PAN3: variants seen among roughly 807,000 people sequenced by gnomAD.
PAN3 encodes poly(A) specific ribonuclease subunit PAN3.
Under a neutral mutation model 96.2 loss-of-function variants are expected in PAN3, and 19 were observed. The observed-to-expected ratio is 0.20, with a 90% CI of 0.14 to 0.29. PAN3 has a LOEUF of 0.29. Among genes scored for constraint, PAN3 ranks in the 10% least tolerant of loss-of-function variants. The pLI, the probability that PAN3 is intolerant of heterozygous loss-of-function variation, is 1.00. For missense variants in PAN3, 882 were observed against 1,108.1 expected, an observed-to-expected ratio of 0.80 and a Z score of 2.90; for synonymous variants, 433 against 406.6, an observed-to-expected ratio of 1.06 and a Z score of -0.78.
intron 1 of PAN3, among the ~76,000 whole-genome samples, chr13:28,171,563 A>G (rs1245674549): frequency 6.6e-5 from 10 of 152,204 alleles, no homozygotes; most frequent in Admixed American, 6.5e-4. Context: ...ATAATTTGCC[A>G]TGATGGCTCA....
chr13:28,247,776 T>C (rs1199411193), intron 6 of PAN3, among the ~76,000 whole-genome samples: 3 of 152,210 alleles, frequency 2.0e-5, no homozygotes, highest in Admixed American at 1.3e-4. Flanking sequence ...TCTGTTCCAT[T>C]GGTCTGTGTG....
In PAN3 at chr13:28,250,815, C is replaced by T. The variant is rs143966833; in HGVS notation, c.1001-5477C>T. Reference sequence around the variant, plus strand: ...TACCACATTCAGCCTCTGCTGAGAACTCTTAACTTAGAACTTCTTGAGTGA... The same window carrying T: ...TACCACATTCAGCCTCTGCTGAGAATTCTTAACTTAGAACTTCTTGAGTGA... On this transcript the variant is annotated intron_variant, in intron 6 of 18. Coordinates refer to ENST00000380958, the MANE Select transcript of PAN3 (RefSeq NM_175854.8). 6.7e-3 allele frequency among the ~76,000 whole-genome samples: 1,026 copies of T among 152,290 alleles called. 9 individuals are homozygous for T. The highest frequency in any genetic ancestry group is 0.024 in the African/African-American group (981 of 41,548).
intron 1 of PAN3, among the ~76,000 whole-genome samples, chr13:28,150,700 G>A (rs1451076315): frequency 6.6e-6 from 1 of 151,306 alleles, no homozygotes; most frequent in Admixed American, 6.6e-5. Context: ...CTTAGATTAT[G>A]ACAAGCATTC....
intron 4 of PAN3, among the ~76,000 whole-genome samples, chr13:28,184,833 T>G (rs1233785418): frequency 1.3e-5 from 2 of 152,292 alleles, no homozygotes; most frequent in East Asian, 3.9e-4. Flanking sequence ...GGGCTATTTT[T>G]TAAATTCATT....
intron 1 of PAN3, among the ~76,000 whole-genome samples, chr13:28,158,017 A>G (rs544303761): frequency 3.5e-4 from 54 of 152,348 alleles, no homozygotes; most frequent in African/African-American, 1.3e-3. Context: ...CCAATAGAAC[A>G]GAATAGAGAG....
At chr13:28,284,995 T>A (rs1043347739) in intron 17 of PAN3, among the ~76,000 whole-genome samples, 24 of 152,226 alleles carry the variant, frequency 1.6e-4, no homozygotes, top group African/African-American at 5.3e-4. Context: ...GTCATTCTAT[T>A]TGTTGATGTC....
chr13:28,255,581 G>C (rs1305403726), intron 6 of PAN3, among the ~76,000 whole-genome samples: 2 of 152,000 alleles, frequency 1.3e-5, no homozygotes, highest in Non-Finnish European at 2.9e-5. Context: ...GAACATAGTG[G>C]TTGTTCCACT....
intron 12 of PAN3, among the ~76,000 whole-genome samples, chr13:28,267,716 T>A (rs1886301582): frequency 6.6e-6 from 1 of 152,048 alleles, no homozygotes; most frequent in Non-Finnish European, 1.5e-5. Flanking sequence ...AAAAGGGGTT[T>A]CCCCCTGTAA....
chr13:28,267,457 G>A, intron 12 of PAN3, 56 bp downstream of exon 12: 1 of 1,383,136 alleles, frequency 7.2e-7, no homozygotes, highest in South Asian at 1.2e-5. Context: ...CTCTGTGGAA[G>A]AGTAGTTTTC....
chr13:28,204,496 G>A (rs762841594), intron 5 of PAN3, among the ~76,000 whole-genome samples: 5 of 152,122 alleles, frequency 3.3e-5, no homozygotes, highest in Non-Finnish European at 5.9e-5. Context: ...TAAAGTTGAT[G>A]TTTGTTTATA....
chr13:28,290,089 G>A (rs772728666), intron 18 of PAN3, among the ~76,000 whole-genome samples: 10 of 152,158 alleles, frequency 6.6e-5, no homozygotes, highest in Admixed American at 1.3e-4. Context: ...TTTTTAAAGC[G>A]TGAGAGCCTC....
chr13:28,271,780 A>G (rs1361381628), intron 13 of PAN3, among the ~76,000 whole-genome samples: 1 of 152,182 alleles, frequency 6.6e-6, no homozygotes, highest in Non-Finnish European at 1.5e-5. Context: ...TTACAGCTGT[A>G]GGTATATCAC....
rs150786043 is a variant in PAN3 at position 28,152,487 on chromosome 13, G to A, written c.430+13400G>A. Among the ~76,000 whole-genome samples, 378 of 152,222 alleles carry A rather than the reference G, an allele frequency of 2.5e-3. 4 individuals carry two copies. Among genetic ancestry groups the A allele is most frequent in the Middle Eastern group, 6.8e-3 (2 of 294 alleles). On this transcript the variant is annotated intron_variant, in intron 1 of 18. Transcript: ENST00000380958. ...TAATCCCAGCTACTCAGGAGGCTGA[G>A]GCAAGAGAATCGCTTGAACCCAGGA... is the stretch of plus-strand genomic sequence containing the variant.
chr13:28,280,381 A>G lies in PAN3; in HGVS notation c.2190-31A>G, dbSNP rs370153085. 2.1e-4 allele frequency: 325 copies of G among 1,582,966 alleles called. 1 individual carries two copies. Among genetic ancestry groups the G allele is most frequent in the South Asian group, 5.4e-4 (46 of 85,588 alleles). On this transcript the variant is annotated intron_variant, in intron 15 of 18. Coordinates refer to ENST00000380958, the MANE Select transcript of PAN3 (RefSeq NM_175854.8). ...TTGTTTTTTAAATTGCATGTTGGAC[A>G]TCCAAGTAATTCCTCTTTTATCTTG...
At position 28,193,182 on chromosome 13, in the gene PAN3, CT is replaced by C. The variant is rs1218657938; in HGVS notation, c.691-4000del. ...CTGGGCCTCTGGTTGGAGAAGCTTG[CT>C]TTAGGATATTTTCATTTAGTTACAC... is the stretch of plus-strand genomic sequence containing the variant. On this transcript the variant is annotated intron_variant, in intron 4 of 18. Transcript: ENST00000380958. 5.3e-5 allele frequency among the ~76,000 whole-genome samples: 8 copies of C among 152,206 alleles called. No homozygotes were observed. The East Asian group carries it at 1.5e-3, about 29-fold the overall frequency.
intron 2 of PAN3, among the ~76,000 whole-genome samples, chr13:28,175,446 G>A (rs949805139): frequency 2.0e-5 from 3 of 152,114 alleles, no homozygotes; most frequent in Admixed American, 1.3e-4. Flanking sequence ...GATGAGGTCT[G>A]TGTTGCCCAG....
At chr13:28,168,716 TAAAAA>T (rs1399235225) in intron 1 of PAN3, among the ~76,000 whole-genome samples, 1 of 139,716 alleles carries the variant, frequency 7.2e-6, no homozygotes, top group African/African-American at 2.7e-5. Context: ...GAGACTCTCT[TAAAAA>T]AAAGAAGTGT....
chr13:28,149,967 A>G (rs1246314691), intron 1 of PAN3, among the ~76,000 whole-genome samples: 1 of 152,216 alleles, frequency 6.6e-6, no homozygotes, highest in African/African-American at 2.4e-5. Context: ...GAGATATCAA[A>G]TACAGCAGTT....
chr13:28,153,742 C>T (rs891649310), intron 1 of PAN3, among the ~76,000 whole-genome samples: 3 of 152,126 alleles, frequency 2.0e-5, no homozygotes, highest in Non-Finnish European at 2.9e-5. Context: ...AAACCCAACC[C>T]TCCAGATGCT....
Sources: gnomAD v4.1 joint callset for allele counts (sites outside exome capture counted in the v4.1 genomes callset) on GRCh38, gnomAD v4.1.1 for gene constraint, MANE v1.5 for transcripts, NCBI Gene and HGNC (gene_info 2026-07-23, HGNC 2026-07-21) for gene names.